AOPEP: variants seen among roughly 807,000 people sequenced by gnomAD.
The protein encoded by AOPEP is aminopeptidase O.
AOPEP carries 77 observed loss-of-function variants against 98.1 expected under a neutral mutation model. The observed-to-expected ratio is 0.78, with a 90% CI of 0.65 to 0.95. AOPEP has a LOEUF of 0.95. AOPEP is among the 40% of genes least tolerant of loss of function. The pLI is 0.00. For synonymous variants in AOPEP, 346 were observed against 365.3 expected (o/e 0.95, Z 0.60); for missense variants, 1,024 against 1,024.7 (o/e 1.00, Z 0.01).
chr9:95,007,946 A>G (rs2062164745), intron 13 of AOPEP, among the ~76,000 whole-genome samples: 2 of 152,220 alleles, frequency 1.3e-5, no homozygotes, highest in South Asian at 4.1e-4. Flanking sequence ...GTTGAGTCTA[A>G]TAAGTTATTT....
chr9:95,046,544 T>C (rs1192374902), intron 13 of AOPEP, among the ~76,000 whole-genome samples: 2 of 152,264 alleles, frequency 1.3e-5, no homozygotes, highest in Non-Finnish European at 1.5e-5. Flanking sequence ...TTTGAAAACA[T>C]GCATAAAGCT....
chr9:94,870,154 A>G (rs1809534624), intron 5 of AOPEP, among the ~76,000 whole-genome samples: 1 of 151,918 alleles, frequency 6.6e-6, no homozygotes, highest in Non-Finnish European at 1.5e-5. Context: ...ATGCCTGGCT[A>G]ATTTTTTGTA....
intron 5 of AOPEP, among the ~76,000 whole-genome samples, chr9:94,853,935 G>A (rs2043872904): frequency 6.6e-6 from 1 of 152,196 alleles, no homozygotes; most frequent in South Asian, 2.1e-4. Context: ...AACCAGTGAT[G>A]GGCAGATTAT....
intron 4 of AOPEP, among the ~76,000 whole-genome samples, chr9:94,798,911 C>G (rs1847628064): frequency 6.6e-6 from 1 of 152,336 alleles, no homozygotes; most frequent in Non-Finnish European, 1.5e-5. Context: ...TTGACTCACT[C>G]TCTCCACAAA....
chr9:95,090,605 C>G (rs1196834116), downstream of AOPEP, among the ~76,000 whole-genome samples: 1 of 152,124 alleles, frequency 6.6e-6, no homozygotes, highest in Non-Finnish European at 1.5e-5. Flanking sequence ...CTGCAGGCCT[C>G]GCCAGCACCC....
intron 2 of AOPEP, among the ~76,000 whole-genome samples, chr9:94,769,317 C>CT (rs1204715283): frequency 6.6e-6 from 1 of 151,974 alleles, no homozygotes; most frequent in African/African-American, 2.4e-5. Context: ...AGGATATCAG[C>CT]TTGTGAAACA....
chr9:94,782,887 G>A (rs537766987), intron 3 of AOPEP, among the ~76,000 whole-genome samples: 3 of 152,270 alleles, frequency 2.0e-5, no homozygotes, highest in African/African-American at 7.2e-5. Flanking sequence ...CTGGCACTGC[G>A]CTTACTGTAC....
At chr9:94,919,288 G>A (rs181192740) in intron 5 of AOPEP, among the ~76,000 whole-genome samples, 11 of 152,266 alleles carry the variant, frequency 7.2e-5, no homozygotes, top group Admixed American at 7.2e-4. Context: ...TTTGGAACTG[G>A]TTTCCACTTT....
chr9:94,808,296 T>G (rs1849692155), intron 5 of AOPEP, among the ~76,000 whole-genome samples: 1 of 152,230 alleles, frequency 6.6e-6, no homozygotes, highest in Non-Finnish European at 1.5e-5. Flanking sequence ...TGCCTCGGCC[T>G]CCTGAAGTGC....
At chr9:94,905,076 T>C (rs749639706) in intron 5 of AOPEP, among the ~76,000 whole-genome samples, 4 of 152,228 alleles carry the variant, frequency 2.6e-5, no homozygotes, top group Non-Finnish European at 4.4e-5. Flanking sequence ...CTTTTGAGAA[T>C]TGATAAAAGC....
intron 7 of AOPEP, among the ~76,000 whole-genome samples, chr9:94,938,645 C>G (rs2056626096): frequency 6.6e-6 from 1 of 152,142 alleles, no homozygotes; most frequent in South Asian, 2.1e-4. Context: ...CGAAAAGAAC[C>G]AGTGAGACTG....
At chr9:94,840,619 C>T (rs1240110465) in intron 5 of AOPEP, among the ~76,000 whole-genome samples, 4 of 152,124 alleles carry the variant, frequency 2.6e-5, no homozygotes, top group Admixed American at 2.6e-4. Flanking sequence ...CATGTGAAAC[C>T]TGGGCCTAGA....
intron 1 of AOPEP, among the ~76,000 whole-genome samples, chr9:94,748,455 T>C (rs1835004202): frequency 6.6e-6 from 1 of 152,334 alleles, no homozygotes. Context: ...GAAATACTTT[T>C]AGATTTACCA....
chr9:95,018,684 C>A (rs2063205660), intron 13 of AOPEP, among the ~76,000 whole-genome samples: 1 of 152,220 alleles, frequency 6.6e-6, no homozygotes, highest in South Asian at 2.1e-4. Flanking sequence ...TTGTTTTCTG[C>A]AGAAGAATGC....
chr9:94,921,696 G>A (rs1307437881), intron 5 of AOPEP, among the ~76,000 whole-genome samples: 1 of 152,152 alleles, frequency 6.6e-6, no homozygotes, highest in Non-Finnish European at 1.5e-5. Flanking sequence ...TAGGGAAATA[G>A]CCCCAGAGTA....
chr9:94,811,468 G>GC (rs975024257), intron 5 of AOPEP, among the ~76,000 whole-genome samples: 1 of 152,012 alleles, frequency 6.6e-6, no homozygotes, highest in African/African-American at 2.4e-5. Context: ...TTCCCTCCCT[G>GC]CCCCCAGACC....
chr9:94,995,632 A>G (rs1486744887), intron 11 of AOPEP, among the ~76,000 whole-genome samples: 4 of 152,230 alleles, frequency 2.6e-5, no homozygotes, highest in Non-Finnish European at 5.9e-5. Context: ...CAGTGATGGT[A>G]AGAAATGCTC....
chr9:95,101,572 A>T, the AOPEP span: 1 of 1,057,006 alleles, frequency 9.5e-7, no homozygotes, highest in East Asian at 2.6e-5. Flanking sequence ...GATTGTCCCA[A>T]GATGTGTACA....
intron 5 of AOPEP, among the ~76,000 whole-genome samples, chr9:94,867,355 C>T (rs1200106766): frequency 6.6e-6 from 1 of 152,158 alleles, no homozygotes; most frequent in Non-Finnish European, 1.5e-5. Context: ...GCCGAGGTGG[C>T]CTGGAATGTC....
Sources: allele counts gnomAD v4.1 joint callset (sites outside exome capture counted in the v4.1 genomes callset), GRCh38; gene constraint gnomAD v4.1.1; transcripts MANE v1.5; gene names NCBI Gene and HGNC (gene_info 2026-07-23, HGNC 2026-07-21).